Variants in KCNH1 observed in about 807,000 individuals in gnomAD.
The protein encoded by KCNH1 is voltage-gated delayed rectifier potassium channel KCNH1.
Under a neutral mutation model 69.2 loss-of-function variants are expected in KCNH1, and 27 were observed. The observed-to-expected ratio is 0.39, with a 90% CI of 0.29 to 0.54. The LOEUF (loss-of-function observed/expected upper bound fraction) is 0.54, where lower values mean the gene tolerates loss of function less well. KCNH1 is among the 20% of genes least tolerant of loss of function. The pLI, the probability that KCNH1 is intolerant of heterozygous loss-of-function variation, is 0.68. For missense variants in KCNH1, 798 were observed against 1,261.6 expected (o/e 0.63, Z 5.57); for synonymous variants, 456 against 487.7 (o/e 0.93, Z 0.86).
intron 7 of KCNH1, among the ~76,000 whole-genome samples, chr1:210,857,570 C>A (rs988237143): frequency 7.9e-5 from 12 of 152,062 alleles, no homozygotes; most frequent in Admixed American, 7.2e-4. Flanking sequence ...AGACAAAGTG[C>A]AGTGTTGCAA....
At chr1:210,970,400 T>C (rs932607850) in intron 6 of KCNH1, among the ~76,000 whole-genome samples, 2 of 152,070 alleles carry the variant, frequency 1.3e-5, no homozygotes, top group Admixed American at 6.6e-5. Context: ...CCCATTCCTG[T>C]GTGGTTTCCT....
rs138868106 is a variant in KCNH1, at chr1:210,898,196, C to T, written c.1462+21444G>A. Among the ~76,000 whole-genome samples the T allele has an allele frequency of 6.8e-4, 104 of 152,244 alleles. No individual in the cohort carries two copies. In the East Asian group the frequency reaches 7.0e-3, roughly 10 times the overall value. ...GTATCTCTGTCGTTTGTGGAGCTGA[C>T]CTGCCTGCTGATTGTCACTTGTTTA... On this transcript the variant is annotated intron_variant, in intron 7 of 10. Coordinates refer to ENST00000271751, the MANE Select transcript of KCNH1 (RefSeq NM_172362.3).
chr1:210,756,040 G>A (rs544350516), intron 10 of KCNH1, among the ~76,000 whole-genome samples: 16 of 152,194 alleles, frequency 1.1e-4, no homozygotes, highest in Non-Finnish European at 2.2e-4. Context: ...TGCTAGCTAT[G>A]GAACCCCTCA....
intron 5 of KCNH1, among the ~76,000 whole-genome samples, chr1:211,055,650 A>C (rs1187807252): frequency 6.6e-6 from 1 of 152,194 alleles, no homozygotes; most frequent in South Asian, 2.1e-4. Flanking sequence ...GCTCCAGGAA[A>C]GACTCCTTCC....
intron 1 of KCNH1, among the ~76,000 whole-genome samples, chr1:211,122,031 G>A (rs77594069): frequency 0.11 from 16,832 of 152,010 alleles, 1,243 homozygotes; most frequent in South Asian, 0.21. Flanking sequence ...CCAGCTACTC[G>A]GGAGGCAGAG....
chr1:211,008,468 C>T (rs752628955), intron 6 of KCNH1, among the ~76,000 whole-genome samples: 19 of 152,196 alleles, frequency 1.2e-4, no homozygotes, highest in Non-Finnish European at 2.5e-4. Context: ...ACAACTGAAA[C>T]AATTAATACT....
rs1276223337 is a variant in KCNH1, at chr1:210,732,539, G to A, written c.2112+42809C>T. Among the ~76,000 whole-genome samples the A allele has an allele frequency of 3.3e-5, 5 of 152,264 alleles. No individual in the cohort carries two copies. In the East Asian group the frequency reaches 9.7e-4, roughly 29 times the overall value. On this transcript the variant is annotated intron_variant, in intron 10 of 10. Coordinates refer to ENST00000271751, the MANE Select transcript of KCNH1 (RefSeq NM_172362.3). The stretch of plus-strand genomic sequence containing the variant: ...AAGGCAGAGGCTGTGTCGTCTATCT[G>A]CCTTCTAGGACAGAACCTCATTTGA...
intron 7 of KCNH1, among the ~76,000 whole-genome samples, chr1:210,816,580 C>T (rs748447254): frequency 1.2e-4 from 19 of 152,188 alleles, no homozygotes; most frequent in Non-Finnish European, 2.9e-5. Context: ...AAGAGACAAC[C>T]ATTTAGTTAC....
chr1:210,705,816 T>C (rs1359407332), intron 10 of KCNH1, among the ~76,000 whole-genome samples: 2 of 152,192 alleles, frequency 1.3e-5, no homozygotes, highest in Non-Finnish European at 2.9e-5. Flanking sequence ...TGCCTAGTTA[T>C]GCTGTGTGTC....
Position 210,897,979 on chromosome 1 carries a change from G to A in KCNH1, c.1462+21661C>T, listed in dbSNP as rs138621014. Reference sequence around the variant, plus strand: ...AAGTGGCAGTGGTTGTGTAGTGGCTGGCCAGGACCACCTTTCAGCTGCCTC... The same window carrying A: ...AAGTGGCAGTGGTTGTGTAGTGGCTAGCCAGGACCACCTTTCAGCTGCCTC... On this transcript the variant is annotated intron_variant, in intron 7 of 10. Transcript: ENST00000271751. Among the ~76,000 whole-genome samples, 962 of 152,274 alleles carry A rather than the reference G, an allele frequency of 6.3e-3. 6 individuals are homozygous for A. The highest frequency in any genetic ancestry group is 0.011 in the Admixed American group (162 of 15,300).
At chr1:210,772,449 G>T (rs374750032) in intron 10 of KCNH1, among the ~76,000 whole-genome samples, 1 of 150,516 alleles carries the variant, frequency 6.6e-6, no homozygotes, top group African/African-American at 2.4e-5. Flanking sequence ...ACGTAACTAC[G>T]AATTAATTCT....
In KCNH1 at chr1:211,103,162, C is replaced by T. The variant is rs76512810; in HGVS notation, c.310+334G>A. 6.6e-3 allele frequency among the ~76,000 whole-genome samples: 1,009 copies of T among 152,328 alleles called. 10 individuals are homozygous for T. The highest frequency in any genetic ancestry group is 0.01 in the Non-Finnish European group (700 of 68,024). On this transcript the variant is annotated intron_variant, in intron 3 of 10. Coordinates refer to ENST00000271751, the MANE Select transcript of KCNH1 (RefSeq NM_172362.3). ...AAGATGAACTGGACAGAATTTCTGT[C>T]TCATCTTCTCCCTCCCTTGTTAAAA... is the stretch of plus-strand genomic sequence containing the variant.
intron 6 of KCNH1, among the ~76,000 whole-genome samples, chr1:210,950,553 AT>A (rs1014612219): frequency 2.0e-5 from 3 of 150,918 alleles, no homozygotes; most frequent in African/African-American, 4.9e-5. Flanking sequence ...TGAACTCATC[AT>A]TTTTTATGGC....
chr1:210,775,432 G>C lies in KCNH1; in HGVS notation c.2028C>G (p.Ala676=), dbSNP rs150053238. The change falls in exon 10 of 11, where the codon GCC becomes GCG. Residue 676 remains alanine, a synonymous_variant. Coordinates refer to ENST00000271751, the MANE Select transcript of KCNH1 (RefSeq NM_172362.3). ...TGTAGAATTCCAGCACTTTCTGCAG[G>C]GCATCCCGCTTGATCACATGCAGAT... ...YCDLHVIKRD[A]LQKVLEFYTA... is the part of the protein sequence containing the mutation. 1.1e-4 allele frequency: 177 copies of C among 1,614,104 alleles called. 1 individual carries two copies. In the African/African-American group the frequency reaches 2.2e-3, roughly 20 times the overall value.
chr1:210,818,498 C>T (rs181950071), intron 7 of KCNH1, among the ~76,000 whole-genome samples: 66 of 152,230 alleles, frequency 4.3e-4, no homozygotes, highest in African/African-American at 1.5e-3. Flanking sequence ...TGACTTGGAG[C>T]AAAACACTTA....
intron 6 of KCNH1, among the ~76,000 whole-genome samples, chr1:210,953,647 A>G (rs1210630850): frequency 6.6e-6 from 1 of 152,082 alleles, no homozygotes; most frequent in African/African-American, 2.4e-5. Flanking sequence ...GAAATTCAGG[A>G]TTCTTTCTAA....
At chr1:210,908,864 G>A (rs1453472546) in intron 7 of KCNH1, among the ~76,000 whole-genome samples, 3 of 152,198 alleles carry the variant, frequency 2.0e-5, no homozygotes, top group African/African-American at 7.2e-5. Context: ...GGTTGGCTCT[G>A]CAAGCAGGGC....
rs139332518 is a variant in KCNH1 at position 210,865,188 on chromosome 1, CA to C, written c.1462+54451del. ...GGAATATACAATCTGCTTCATTTGTCAAGCTAAACATATGCCCCCATAGTCT... is the reference window on the plus strand; with the variant it reads ...GGAATATACAATCTGCTTCATTTGTCAGCTAAACATATGCCCCCATAGTCT... On this transcript the variant is annotated intron_variant, in intron 7 of 10. Coordinates refer to ENST00000271751, the MANE Select transcript of KCNH1 (RefSeq NM_172362.3). 9.7e-3 allele frequency among the ~76,000 whole-genome samples: 1,475 copies of C among 152,316 alleles called. 27 individuals are homozygous for C. Among genetic ancestry groups the C allele is most frequent in the African/African-American group, 0.034 (1,416 of 41,570 alleles).
chr1:211,010,991 T>C (rs577605905), intron 6 of KCNH1, among the ~76,000 whole-genome samples: 2 of 152,234 alleles, frequency 1.3e-5, no homozygotes, highest in African/African-American at 4.8e-5. Context: ...TCTTTTTTTT[T>C]AATCATACTT....
Sources: gnomAD v4.1 joint callset for allele counts (sites outside exome capture counted in the v4.1 genomes callset) on GRCh38, gnomAD v4.1.1 for gene constraint, MANE v1.5 for transcripts, NCBI Gene and HGNC (gene_info 2026-07-23, HGNC 2026-07-21) for gene names.